The following TMPRSS9 variants were observed in gnomAD, a reference collection of about 807,000 sequenced individuals.
TMPRSS9 encodes the protein transmembrane serine protease 9, also known as transmembrane protease serine 9.
Under a neutral mutation model 111.4 loss-of-function variants are expected in TMPRSS9, and 113 were observed. That is an observed-to-expected ratio of 1.01 (90% CI 0.87 to 1.19). TMPRSS9 has a LOEUF of 1.19. TMPRSS9 is among the 50% of genes most tolerant of loss of function. The pLI, the probability that TMPRSS9 is intolerant of heterozygous loss-of-function variation, is 0.00. For missense variants in TMPRSS9, 1,803 were observed against 1,513.1 expected (o/e 1.19, Z -3.18); for synonymous variants, 805 against 659.1 (o/e 1.22, Z -3.39).
At chr19:2,389,405 T>C (rs1970539712), upstream of TMPRSS9, among the ~76,000 whole-genome samples, 2 of 125,690 alleles carry the variant, frequency 1.6e-5, no homozygotes, top group Non-Finnish European at 3.3e-5. Context: ...AGTCTCGCTC[T>C]GTCACCCGGG....
At chr19:2,418,378 T>TG (rs1971330695) in intron 13 of TMPRSS9, among the ~76,000 whole-genome samples, 1 of 38,252 alleles carries the variant, frequency 2.6e-5, no homozygotes, top group East Asian at 8.7e-4. Flanking sequence ...CTTCCCTCCC[T>TG]CCCTTTCCTT....
chr19:2,424,334 C>A, intron 15 of TMPRSS9, 77 bp downstream of exon 16: 1 of 1,263,316 alleles, frequency 7.9e-7, no homozygotes, highest in Non-Finnish European at 1.0e-6. Flanking sequence ...CGAAAACGCA[C>A]CCTGACCCCC....
chr19:2,409,893 GC>G (rs1971058782), intron 8 of TMPRSS9, among the ~76,000 whole-genome samples: 1 of 152,032 alleles, frequency 6.6e-6, no homozygotes, highest in South Asian at 2.1e-4. Flanking sequence ...TGAGACAGGG[GC>G]TGATTCTGTG....
At chr19:2,391,193 T>G (rs1456762679) in intron 1 of TMPRSS9, among the ~76,000 whole-genome samples, 1 of 124,766 alleles carries the variant, frequency 8.0e-6, no homozygotes, top group Non-Finnish European at 1.6e-5. Context: ...TGAGCCGAGA[T>G]CATGCCCTTG....
At position 2,396,926 on chromosome 19, in the gene TMPRSS9, T is replaced by C. The variant is rs796983218; in HGVS notation, c.270+260T>C. On this transcript the variant is annotated intron_variant, in intron 2 of 17. Coordinates refer to ENST00000648592, the Ensembl canonical transcript of TMPRSS9. ...CCACATTTAGAGGTTTTTTTTTTTT[T>C]CTTTTTTTTCTTGAGACGGAGTCTC... 5.3e-5 allele frequency among the ~76,000 whole-genome samples: 8 copies of C among 151,494 alleles called. No homozygotes were observed. In the South Asian group the frequency reaches 8.3e-4, roughly 16 times the overall value.
intron 1 of TMPRSS9, among the ~76,000 whole-genome samples, chr19:2,382,647 A>ATGCACACATACACACATGCACACG (rs1257694205): frequency 6.7e-6 from 1 of 149,070 alleles, no homozygotes; most frequent in Non-Finnish European, 1.5e-5. Flanking sequence ...CAGACCACAC[A>ATGCACACATACACACATGCACACG]TGCACACATA....
exon 7 of TMPRSS9, chr19:2,405,523 T>C (rs977602690): frequency 6.3e-7 from 1 of 1,588,936 alleles, no homozygotes; most frequent in Non-Finnish European, 8.5e-7. Flanking sequence ...GTGGCTGGTG[T>C]CTGCTGCTCA....
chr19:2,408,426 G>T (rs774825478), exon 8 of TMPRSS9: 8 of 1,613,790 alleles, frequency 5.0e-6, no homozygotes, highest in South Asian at 3.3e-5. Flanking sequence ...GGCCAGCACC[G>T]TGCGGGCCCA....
chr19:2,394,739 G>A (rs558515972), intron 1 of TMPRSS9, among the ~76,000 whole-genome samples: 1 of 152,182 alleles, frequency 6.6e-6, no homozygotes, highest in Non-Finnish European at 1.5e-5. Context: ...AGCTTTCACG[G>A]TTTACGCGGT....
chr19:2,420,285 A>G (rs924118218), intron 13 of TMPRSS9, among the ~76,000 whole-genome samples: 11 of 152,082 alleles, frequency 7.2e-5, no homozygotes, highest in Admixed American at 1.3e-4. Context: ...CTAAAAAACT[A>G]CAAGAATTTA....
chr19:2,387,460 A>T (rs920872818), upstream of TMPRSS9, among the ~76,000 whole-genome samples: 1 of 152,046 alleles, frequency 6.6e-6, no homozygotes, highest in Non-Finnish European at 1.5e-5. Context: ...GTGCCACTGC[A>T]CTCCAGCCAG....
chr19:2,388,955 G>A (rs985482142), upstream of TMPRSS9, among the ~76,000 whole-genome samples: 7 of 151,806 alleles, frequency 4.6e-5, no homozygotes, highest in African/African-American at 1.2e-4. Context: ...GCCCCCAAGC[G>A]TGGGGTCCTT....
exon 18 of TMPRSS9, chr19:2,426,018 C>G: frequency 1.2e-6 from 2 of 1,607,812 alleles, no homozygotes; most frequent in Non-Finnish European, 1.7e-6. Flanking sequence ...TGTGGCCGGC[C>G]CCACTTCCCA....
intron 1 of TMPRSS9, among the ~76,000 whole-genome samples, chr19:2,381,654 C>T (rs917369910): frequency 1.3e-5 from 2 of 151,940 alleles, no homozygotes; most frequent in Non-Finnish European, 2.9e-5. Flanking sequence ...CCTGGTACAT[C>T]TCTCCTTTCT....
chr19:2,424,209 T>G, exon 15 of TMPRSS9: 1 of 1,445,204 alleles, frequency 6.9e-7, no homozygotes, highest in Non-Finnish European at 9.1e-7. Flanking sequence ...TGCGGGGCCG[T>G]GCTGGTGGCA....
At chr19:2,425,388 C>G (rs750855028) in exon 17 of TMPRSS9, 2 of 1,551,174 alleles carry the variant, frequency 1.3e-6, no homozygotes, top group South Asian at 2.4e-5. Flanking sequence ...AGAAGGCGGC[C>G]GTGCGCCTCC....
chr19:2,368,774 G>GTTTTTTTTT (rs762761358), intron 1 of TMPRSS9, among the ~76,000 whole-genome samples: 1,021 of 70,338 alleles, frequency 0.015, 214 homozygotes, highest in Middle Eastern at 0.036. Context: ...GATAAACCCA[G>GTTTTTTTTT]TTTTTTTTTT....
intron 1 of TMPRSS9, among the ~76,000 whole-genome samples, chr19:2,382,656 TACAC>T (rs908270739): frequency 7.0e-5 from 10 of 142,620 alleles, no homozygotes; most frequent in South Asian, 4.5e-4. Context: ...CATGCACACA[TACAC>T]ACATGCACAC....
chr19:2,374,633 CT>C (rs1970316599), intron 1 of TMPRSS9, among the ~76,000 whole-genome samples: 1 of 152,030 alleles, frequency 6.6e-6, no homozygotes, highest in Non-Finnish European at 1.5e-5. Context: ...GTTTGAGACC[CT>C]GTTGGAGGCC....
Sources: gnomAD v4.1 joint callset for allele counts (sites outside exome capture counted in the v4.1 genomes callset) on GRCh38, gnomAD v4.1.1 for gene constraint, MANE v1.5 for transcripts, NCBI Gene and HGNC (gene_info 2026-07-23, HGNC 2026-07-21) for gene names.